Variants in ASXL3 observed in about 807,000 individuals in gnomAD.
ASXL3 encodes the protein ASXL transcriptional regulator 3.
A neutral mutation model predicts 170.6 loss-of-function variants in ASXL3; 34 were observed. The ratio of observed to expected loss-of-function variants is 0.20; its 90% CI spans 0.15 to 0.27. The LOEUF (loss-of-function observed/expected upper bound fraction) is 0.27. Among genes scored for constraint, ASXL3 ranks in the 10% least tolerant of loss-of-function variants. The probability of loss-of-function intolerance (pLI) is 1.00; values close to 1 mark genes in which losing one functional copy is unlikely to be tolerated. For missense variants in ASXL3, 2,592 were observed against 2,695.3 expected, an observed-to-expected ratio of 0.96 and a Z score of 0.85; for synonymous variants, 1,002 against 989.1, an observed-to-expected ratio of 1.01 and a Z score of -0.24.
intron 8 of ASXL3, among the ~76,000 whole-genome samples, chr18:33,706,365 A>C (rs9952637): frequency 0.7 from 106,584 of 151,522 alleles, 39,112 homozygotes; most frequent in East Asian, 0.98. Flanking sequence ...GAGATATATG[A>C]CTACAAGTCT....
chr18:33,719,856 G>A (rs777139575), intron 8 of ASXL3, among the ~76,000 whole-genome samples: 11 of 152,042 alleles, frequency 7.2e-5, no homozygotes, highest in Non-Finnish European at 1.0e-4. Flanking sequence ...TCTGGCCTCC[G>A]GAGGAGTGAG....
rs1262819510 is a variant in ASXL3 at position 33,731,989 on chromosome 18, C to A, written c.901C>A (p.Arg301Ser). ...CTAGATGGGAAGTGATGGAATTTTA[C>A]GCCTCAGTACTTCAGCTCTAAATAA... Reference protein sequence around the residue: ...DRQMGSDGILRLSTSALNNEF... With the variant: ...DRQMGSDGILSLSTSALNNEF... The change falls in exon 9 of 12, where the codon CGC becomes AGC. Residue 301 changes from arginine (R) to serine (S), a missense_variant. By Grantham distance (110) the Arg-to-Ser change is moderately radical. Transcript: ENST00000269197. 3 of 1,611,736 alleles carry A rather than the reference C, an allele frequency of 1.9e-6. No homozygotes were observed. The highest frequency in any genetic ancestry group is 1.3e-5 in the African/African-American group (1 of 74,748).
intron 2 of ASXL3, among the ~76,000 whole-genome samples, chr18:33,611,842 G>A (rs4799704): frequency 0.56 from 85,362 of 151,758 alleles, 24,929 homozygotes; most frequent in African/African-American, 0.69. Context: ...CTCATTCAGA[G>A]GTTATCATTC....
At chr18:33,583,637 A>T (rs1379550951) in intron 1 of ASXL3, among the ~76,000 whole-genome samples, 1 of 152,054 alleles carries the variant, frequency 6.6e-6, no homozygotes, top group Non-Finnish European at 1.5e-5. Context: ...TTAATTTTTT[A>T]TTTCCTGCCG....
At chr18:33,586,290 T>C (rs902231849) in intron 1 of ASXL3, among the ~76,000 whole-genome samples, 5 of 152,052 alleles carry the variant, frequency 3.3e-5, no homozygotes, top group Non-Finnish European at 5.9e-5. Flanking sequence ...CAGAACTAAG[T>C]CACTGTCTGG....
chr18:33,618,552 G>C (rs1450953905), intron 2 of ASXL3, among the ~76,000 whole-genome samples: 1 of 152,118 alleles, frequency 6.6e-6, no homozygotes, highest in Admixed American at 6.6e-5. Flanking sequence ...AGTGTTTACT[G>C]TGTAAGATCC....
At chr18:33,607,445 C>T in intron 1 of ASXL3, 149 bp from the exon 2 acceptor site, 2 of 639,094 alleles carry the variant, frequency 3.1e-6, no homozygotes, top group South Asian at 2.2e-5. Context: ...TACGTTCTTC[C>T]TTTGGACACC....
intron 1 of ASXL3, among the ~76,000 whole-genome samples, chr18:33,579,386 G>A (rs1028221845): frequency 1.3e-5 from 2 of 152,156 alleles, no homozygotes; most frequent in Non-Finnish European, 2.9e-5. Context: ...TGGTGAAGTT[G>A]GGTCAGTGTC....
intron 8 of ASXL3, among the ~76,000 whole-genome samples, chr18:33,692,274 C>T (rs12454561): frequency 0.42 from 63,721 of 151,954 alleles, 14,222 homozygotes; most frequent in East Asian, 0.83. Context: ...GCAGGACATA[C>T]GTATAATTAT....
chr18:33,674,370 G>A (rs1337243512), intron 7 of ASXL3, among the ~76,000 whole-genome samples: 1 of 152,148 alleles, frequency 6.6e-6, no homozygotes, highest in Non-Finnish European at 1.5e-5. Context: ...AACACAAGGA[G>A]GAAGAAGGTG....
intron 2 of ASXL3, among the ~76,000 whole-genome samples, chr18:33,632,726 C>T (rs2065698283): frequency 6.6e-6 from 1 of 152,160 alleles, no homozygotes; most frequent in African/African-American, 2.4e-5. Flanking sequence ...ACCATTAGTT[C>T]TCTGGCGAAG....
At chr18:33,714,886 T>C (rs2067137855) in intron 8 of ASXL3, among the ~76,000 whole-genome samples, 1 of 152,216 alleles carries the variant, frequency 6.6e-6, no homozygotes, top group African/African-American at 2.4e-5. Context: ...AACCTTTTCA[T>C]ACCCCTTGTC....
chr18:33,596,539 A>G (rs965865449), intron 1 of ASXL3, among the ~76,000 whole-genome samples: 3 of 152,206 alleles, frequency 2.0e-5, no homozygotes, highest in African/African-American at 7.2e-5. Flanking sequence ...ATTTTATACG[A>G]TTATCTAAAG....
chr18:33,673,396 C>T (rs2066377340), intron 7 of ASXL3, among the ~76,000 whole-genome samples: 1 of 141,996 alleles, frequency 7.0e-6, no homozygotes, highest in Non-Finnish European at 1.5e-5. Flanking sequence ...TTTTTTGAGA[C>T]AGGGTTTCGC....
rs2065640114 is a variant in ASXL3 at position 33,629,015 on chromosome 18, A to T, written c.138-15879A>T. Among the ~76,000 whole-genome samples the T allele has an allele frequency of 2.0e-5, 3 of 152,140 alleles. No individual in the cohort carries two copies. In the South Asian group the frequency reaches 6.2e-4, roughly 31 times the overall value. ...TTTCTGTGCTTATAAATGGACGTTG[A>T]CACTAGAAAGGTTAAAGCTGTTACT... On this transcript the variant is annotated intron_variant, in intron 2 of 11. Coordinates refer to ENST00000269197, the MANE Select transcript of ASXL3 (RefSeq NM_030632.3).
intron 8 of ASXL3, among the ~76,000 whole-genome samples, chr18:33,713,173 A>T (rs1048278543): frequency 6.6e-5 from 10 of 150,660 alleles, no homozygotes; most frequent in African/African-American, 2.4e-4. Context: ...GGTTTGTTAC[A>T]ATACAAGAAT....
chr18:33,639,221 G>C (rs1410550278), intron 2 of ASXL3, among the ~76,000 whole-genome samples: 1 of 151,930 alleles, frequency 6.6e-6, no homozygotes, highest in South Asian at 2.1e-4. Flanking sequence ...TTTAATCTTC[G>C]GATTAATTCT....
intron 4 of ASXL3, among the ~76,000 whole-genome samples, chr18:33,649,879 A>T (rs535827317): frequency 3.3e-5 from 5 of 151,990 alleles, no homozygotes; most frequent in African/African-American, 9.7e-5. Context: ...CTATTATGGG[A>T]TGTATTTTCA....
intron 4 of ASXL3, among the ~76,000 whole-genome samples, chr18:33,656,839 C>G (rs2066092398): frequency 6.6e-6 from 1 of 152,058 alleles, no homozygotes; most frequent in Non-Finnish European, 1.5e-5. Flanking sequence ...TTTATACATA[C>G]TTTTTCATAA....
Sources: gnomAD v4.1 joint callset for allele counts (sites outside exome capture counted in the v4.1 genomes callset) on GRCh38, gnomAD v4.1.1 for gene constraint, MANE v1.5 for transcripts, NCBI Gene and HGNC (gene_info 2026-07-23, HGNC 2026-07-21) for gene names.